NPIPB2: variants seen among roughly 807,000 people sequenced by gnomAD.
NPIPB2 encodes nuclear pore complex interacting protein family member B2.
A neutral mutation model predicts 30.8 loss-of-function variants in NPIPB2; 27 were observed. The observed-to-expected ratio is 0.88, with a 90% confidence interval of 0.65 to 1.21. NPIPB2 has a LOEUF of 1.21. NPIPB2 is among the 50% of genes most tolerant of loss of function. The pLI, the probability that NPIPB2 is intolerant of heterozygous loss-of-function variation, is 0.00. For missense variants in NPIPB2, 440 were observed against 446.2 expected, an observed-to-expected ratio of 0.99 and a Z score of 0.13; for synonymous variants, 147 against 162.0, an observed-to-expected ratio of 0.91 and a Z score of 0.70.
chr16:11,973,895 G>C (rs972009169), intron 1 of NPIPB2, among the ~76,000 whole-genome samples: 2 of 152,198 alleles, frequency 1.3e-5, no homozygotes, highest in Admixed American at 6.5e-5. Context: ...AGCAATAAAG[G>C]ATCACTGGAG....
chr16:11,969,336 C>A (rs2055220142), intron 1 of NPIPB2, among the ~76,000 whole-genome samples: 1 of 152,138 alleles, frequency 6.6e-6, no homozygotes, highest in Admixed American at 6.6e-5. Flanking sequence ...CAGCTCACTG[C>A]AACCTCTGCC....
At chr16:11,938,229 G>GT (rs2054893420) in intron 1 of NPIPB2, among the ~76,000 whole-genome samples, 1 of 152,210 alleles carries the variant, frequency 6.6e-6, no homozygotes, top group African/African-American at 2.4e-5. Context: ...ATGTTGGCCA[G>GT]TCTGGCCTTG....
At chr16:11,941,803 C>A (rs1428870132) in intron 1 of NPIPB2, 180 bp downstream of exon 1, 1 of 1,293,648 alleles carries the variant, frequency 7.7e-7, no homozygotes, top group African/African-American at 1.5e-5. Context: ...CCACTCTCCT[C>A]CCAAGGACAG....
At chr16:11,949,429 G>C (rs2055043766) in intron 1 of NPIPB2, among the ~76,000 whole-genome samples, 2 of 152,168 alleles carry the variant, frequency 1.3e-5, no homozygotes, top group Admixed American at 1.3e-4. Flanking sequence ...TGTGACACCA[G>C]GGTCCTCCTG....
chr16:11,927,742 G>A (rs1178066889), exon 8 of NPIPB2: 2 of 1,597,750 alleles, frequency 1.3e-6, no homozygotes, highest in Non-Finnish European at 8.5e-7. Context: ...TGAGGCTCAG[G>A]GAGTTATCAG....
chr16:11,951,100 G>A (rs935409769), intron 1 of NPIPB2, among the ~76,000 whole-genome samples: 1 of 151,938 alleles, frequency 6.6e-6, no homozygotes, highest in African/African-American at 2.4e-5. Flanking sequence ...GCTTCAGTTA[G>A]CAATACCTCA....
At chr16:11,953,043 G>A (rs1281747485) in intron 1 of NPIPB2, among the ~76,000 whole-genome samples, 1 of 152,116 alleles carries the variant, frequency 6.6e-6, no homozygotes, top group Non-Finnish European at 1.5e-5. Context: ...TCTCATGGTC[G>A]CTTCTGGTCC....
chr16:11,962,785 G>C (rs2055163527), intron 1 of NPIPB2, among the ~76,000 whole-genome samples: 1 of 151,640 alleles, frequency 6.6e-6, no homozygotes. Context: ...AGAATTATCA[G>C]TGGCTGGGCG....
At chr16:11,932,992 G>A (rs2054811289) in intron 4 of NPIPB2, among the ~76,000 whole-genome samples, 1 of 151,092 alleles carries the variant, frequency 6.6e-6, no homozygotes, top group Non-Finnish European at 1.5e-5. Context: ...TGGCTGTGGT[G>A]GCTCATGCCT....
At chr16:11,933,879 C>T (rs2054827788) in exon 3 of NPIPB2, 5 of 1,563,682 alleles carry the variant, frequency 3.2e-6, no homozygotes, top group Non-Finnish European at 4.4e-6. Flanking sequence ...TCTGTGGATA[C>T]ATCATGTCCA....
intron 1 of NPIPB2, among the ~76,000 whole-genome samples, chr16:11,975,163 T>TC (rs2055268222): frequency 1.1e-5 from 1 of 90,652 alleles, no homozygotes; most frequent in African/African-American, 4.1e-5. Flanking sequence ...TTTTTTTTTT[T>TC]TTGAGACGGA....
In NPIPB2 at chr16:11,971,143, C is replaced by T. The variant is rs1034107890; in HGVS notation, c.-584+5425G>A. Among the ~76,000 whole-genome samples, 16 of 152,082 alleles carry T rather than the reference C, an allele frequency of 1.1e-4. 1 individual carries two copies. Among genetic ancestry groups the T allele is most frequent in the African/African-American group, 3.4e-4 (14 of 41,480 alleles). The stretch of plus-strand genomic sequence containing the variant: ...AAGTGCTGGGATTACAGGCATAAGC[C>T]ACCACGCCTGGCCTAAAATCAGCAT... On this transcript the variant is annotated intron_variant, in intron 1 of 5. Transcript: ENST00000538896.
At chr16:11,951,619 T>TACACACACACACACAC (rs1237887146) in intron 1 of NPIPB2, among the ~76,000 whole-genome samples, 33 of 115,900 alleles carry the variant, frequency 2.8e-4, no homozygotes, top group African/African-American at 9.7e-4. Context: ...ACACTGCACA[T>TACACACACACACACAC]ACACATACAC....
At chr16:11,957,832 C>T (rs1283814913) in intron 1 of NPIPB2, among the ~76,000 whole-genome samples, 2 of 152,170 alleles carry the variant, frequency 1.3e-5, no homozygotes, top group Non-Finnish European at 2.9e-5. Context: ...TGCTGGCCTG[C>T]CCTGCGGAGT....
chr16:11,953,032 T>C (rs1027319687), intron 1 of NPIPB2, among the ~76,000 whole-genome samples: 2 of 152,194 alleles, frequency 1.3e-5, no homozygotes, highest in African/African-American at 4.8e-5. Context: ...AGTGCTCATG[T>C]TCTCATGGTC....
At chr16:11,965,875 C>T (rs575360600) in intron 1 of NPIPB2, among the ~76,000 whole-genome samples, 11 of 152,218 alleles carry the variant, frequency 7.2e-5, no homozygotes, top group East Asian at 1.9e-4. Context: ...TTTGGGAGGC[C>T]GAGGTGGGTG....
chr16:11,933,613 T>A (rs1334719940), exon 4 of NPIPB2: 1 of 1,454,304 alleles, frequency 6.9e-7, no homozygotes, highest in Non-Finnish European at 9.0e-7. Context: ...ACCTTTTGTT[T>A]CCACATGTCT....
chr16:11,950,335 CTAAT>C (rs1350590403), intron 1 of NPIPB2, among the ~76,000 whole-genome samples: 1 of 152,022 alleles, frequency 6.6e-6, no homozygotes, highest in African/African-American at 2.4e-5. Flanking sequence ...CACGCCTAGC[CTAAT>C]TAATTTTTTT....
chr16:11,945,022 T>TA (rs560195968), upstream of NPIPB2, among the ~76,000 whole-genome samples: 6,257 of 140,618 alleles, frequency 0.044, 161 homozygotes, highest in Middle Eastern at 0.097. Context: ...CTACTAAAAA[T>TA]AAAAAAAAAA....
Sources: allele counts gnomAD v4.1 joint callset (sites outside exome capture counted in the v4.1 genomes callset), GRCh38; gene constraint gnomAD v4.1.1; transcripts MANE v1.5; gene names NCBI Gene and HGNC (gene_info 2026-07-23, HGNC 2026-07-21).